The following TMEM132D variants were observed in gnomAD, a reference collection of about 807,000 sequenced individuals.
TMEM132D encodes mature OL transmembrane protein.
In TMEM132D, 21 loss-of-function variants were observed where a neutral mutation model predicts 62.3. The ratio of observed to expected loss-of-function variants is 0.34; its 90% CI spans 0.24 to 0.49. The LOEUF (loss-of-function observed/expected upper bound fraction) is 0.49, where lower values mean the gene tolerates loss of function less well. Among genes scored for constraint, TMEM132D ranks in the 20% least tolerant of loss-of-function variants. The pLI, the probability that TMEM132D is intolerant of heterozygous loss-of-function variation, is 0.99. For synonymous variants in TMEM132D, 621 were observed against 575.6 expected, an observed-to-expected ratio of 1.08 and a Z score of -1.13; for missense variants, 1,346 against 1,402.8, an observed-to-expected ratio of 0.96 and a Z score of 0.65.
chr12:129,725,025 C>A (rs1868981843), intron 1 of TMEM132D, among the ~76,000 whole-genome samples: 1 of 152,200 alleles, frequency 6.6e-6, no homozygotes. Flanking sequence ...CCCTGGGCTA[C>A]CCTCTGGTTG....
chr12:129,202,570 T>G lies in TMEM132D; in HGVS notation c.1443+6950A>C, dbSNP rs990788934. Among the ~76,000 whole-genome samples the G allele has an allele frequency of 8.5e-5, 13 of 152,290 alleles. No individual in the cohort carries two copies. In the South Asian group the frequency reaches 1.9e-3, roughly 22 times the overall value. On this transcript the variant is annotated intron_variant, in intron 5 of 8. Coordinates refer to ENST00000422113, the MANE Select transcript of TMEM132D (RefSeq NM_133448.3). ...GGAAAAACATTTCTTTCTCAAGAGTTCCTGCCCAAGTCTGAAGCCTGCATC... is the reference window on the plus strand; with the variant it reads ...GGAAAAACATTTCTTTCTCAAGAGTGCCTGCCCAAGTCTGAAGCCTGCATC...
chr12:129,573,503 T>C (rs1877576238), intron 2 of TMEM132D, among the ~76,000 whole-genome samples: 1 of 151,938 alleles, frequency 6.6e-6, no homozygotes. Flanking sequence ...AGTTAGTAAG[T>C]GGGAGAGGTA....
At chr12:129,423,502 G>A (rs936051861) in intron 3 of TMEM132D, among the ~76,000 whole-genome samples, 1 of 152,156 alleles carries the variant, frequency 6.6e-6, no homozygotes, top group South Asian at 2.1e-4. Flanking sequence ...ATTTGTAGGG[G>A]ATGTAGGGGT....
intron 2 of TMEM132D, among the ~76,000 whole-genome samples, chr12:129,597,451 C>T (rs1418795165): frequency 1.3e-5 from 2 of 152,140 alleles, no homozygotes; most frequent in African/African-American, 4.8e-5. Context: ...GTAGCGCTTA[C>T]CAGCATGGTA....
chr12:129,488,490 T>G (rs1178113908), intron 3 of TMEM132D, among the ~76,000 whole-genome samples: 1 of 152,058 alleles, frequency 6.6e-6, no homozygotes, highest in Admixed American at 6.6e-5. Context: ...CTGGGCAACA[T>G]GACAAAACCC....
At position 129,763,016 on chromosome 12, in the gene TMEM132D, G is replaced by C. The variant is rs144235257; in HGVS notation, c.80-62318C>G. Among the ~76,000 whole-genome samples, 703 of 152,292 alleles carry C rather than the reference G, an allele frequency of 4.6e-3. 8 individuals carry two copies. Among genetic ancestry groups the C allele is most frequent in the African/African-American group, 0.016 (652 of 41,564 alleles). ...CCTTTTCTAATATTTGCATGTAAAA[G>C]GAGAAATACGCCTCCTAGTTCTTAA... On this transcript the variant is annotated intron_variant, in intron 1 of 8. Transcript: ENST00000422113.
intron 1 of TMEM132D, among the ~76,000 whole-genome samples, chr12:129,879,116 C>T (rs1290670926): frequency 1.3e-5 from 2 of 152,098 alleles, no homozygotes; most frequent in East Asian, 1.9e-4. Flanking sequence ...CTTGTTAGGC[C>T]CCAAGTGATA....
chr12:129,893,996 C>T (rs554189914), intron 1 of TMEM132D, among the ~76,000 whole-genome samples: 108 of 152,302 alleles, frequency 7.1e-4, no homozygotes, highest in Middle Eastern at 3.4e-3. Context: ...TTCTCTGATC[C>T]CCACCAGCAT....
At chr12:129,286,313 T>C (rs960630216) in intron 4 of TMEM132D, among the ~76,000 whole-genome samples, 2 of 152,184 alleles carry the variant, frequency 1.3e-5, no homozygotes, top group Non-Finnish European at 2.9e-5. Flanking sequence ...TCAGAAAACA[T>C]ATCACCATGG....
At chr12:129,499,541 C>T (rs1003708093) in intron 3 of TMEM132D, among the ~76,000 whole-genome samples, 1 of 152,160 alleles carries the variant, frequency 6.6e-6, no homozygotes, top group African/African-American at 2.4e-5. Context: ...GACACCCTTT[C>T]CCCCATAGGG....
chr12:129,527,242 G>C (rs1393049516), intron 3 of TMEM132D, among the ~76,000 whole-genome samples: 1 of 152,190 alleles, frequency 6.6e-6, no homozygotes, highest in Non-Finnish European at 1.5e-5. Flanking sequence ...CCAGGAGGCA[G>C]AGGCTGCAGT....
At chr12:129,697,145 A>AGCT (rs1245043263) in intron 2 of TMEM132D, among the ~76,000 whole-genome samples, 2 of 152,174 alleles carry the variant, frequency 1.3e-5, no homozygotes, top group African/African-American at 2.4e-5. Context: ...CTCAAACCGT[A>AGCT]GCTGCTGCGT....
intron 3 of TMEM132D, among the ~76,000 whole-genome samples, chr12:129,361,307 TTGA>T (rs1239160575): frequency 6.6e-6 from 1 of 152,214 alleles, no homozygotes; most frequent in Non-Finnish European, 1.5e-5. Flanking sequence ...TAAGCTCATG[TTGA>T]TAGAATCACC....
chr12:129,701,593 A>C (rs533297263), intron 1 of TMEM132D, among the ~76,000 whole-genome samples: 4 of 152,220 alleles, frequency 2.6e-5, no homozygotes, highest in Admixed American at 1.3e-4. Context: ...CACTGAACGT[A>C]TCTCTCCCTC....
At chr12:129,832,033 CTCTTTTTTT>C (rs1872855874) in intron 1 of TMEM132D, among the ~76,000 whole-genome samples, 1 of 72,890 alleles carries the variant, frequency 1.4e-5, no homozygotes, top group Non-Finnish European at 2.9e-5. Flanking sequence ...CCATGCCCGG[CTCTTTTTTT>C]TTTTTTTTTT....
At position 129,903,920 on chromosome 12, in the gene TMEM132D, G is replaced by A. The variant is rs1025392831; in HGVS notation, c.-581C>T. Among the ~76,000 whole-genome samples the A allele has an allele frequency of 6.8e-6, 1 of 147,442 alleles. No individual in the cohort carries two copies. Among genetic ancestry groups the A allele is most frequent in the Non-Finnish European group, 1.5e-5 (1 of 66,234 alleles). On this transcript the variant is annotated 5_prime_UTR_variant, in exon 1 of 9. Transcript: ENST00000422113. The surrounding 1 kb of genome is among the most constrained non-coding windows in gnomAD (Gnocchi z 6.2). ...CGGGGCTCGGGCGCGCGCGCGCTCC[G>A]GCACCCAAAGTTTGGCGGGTGCGGC...
intron 2 of TMEM132D, among the ~76,000 whole-genome samples, chr12:129,541,620 C>T (rs56168413): frequency 0.034 from 5,169 of 152,158 alleles, 299 homozygotes; most frequent in African/African-American, 0.12. Flanking sequence ...AACCAATAAA[C>T]GACAACACAT....
At chr12:129,481,309 A>T (rs1241814929) in intron 3 of TMEM132D, among the ~76,000 whole-genome samples, 2 of 152,078 alleles carry the variant, frequency 1.3e-5, no homozygotes, top group Admixed American at 6.5e-5. Flanking sequence ...AAAAAATTTT[A>T]AAAATTAGCC....
At chr12:129,642,149 G>C (rs1166878855) in intron 2 of TMEM132D, among the ~76,000 whole-genome samples, 1 of 152,178 alleles carries the variant, frequency 6.6e-6, no homozygotes, top group East Asian at 1.9e-4. Flanking sequence ...GGCCTCTGCT[G>C]TCAGAGGGAG....
Sources: gnomAD v4.1 joint callset for allele counts (sites outside exome capture counted in the v4.1 genomes callset) on GRCh38, gnomAD v4.1.1 for gene constraint, Gnocchi (gnomAD v3.1) non-coding constraint, MANE v1.5 for transcripts, NCBI Gene and HGNC (gene_info 2026-07-23, HGNC 2026-07-21) for gene names.